The following NTM variants were observed in gnomAD, a reference collection of about 807,000 sequenced individuals.
NTM encodes the protein neurotrimin.
In NTM, 13 loss-of-function variants were observed where a neutral mutation model predicts 42.1. The ratio of observed to expected loss-of-function variants is 0.31; its 90% CI spans 0.20 to 0.49. The LOEUF is 0.49. Ranked by LOEUF, NTM falls within the 20% of genes least tolerant of loss-of-function variation. The pLI, the probability that NTM is intolerant of heterozygous loss-of-function variation, is 0.99. For missense variants in NTM, 373 were observed against 452.8 expected, an observed-to-expected ratio of 0.82 and a Z score of 1.60; for synonymous variants, 187 against 179.2, an observed-to-expected ratio of 1.04 and a Z score of -0.35.
At chr11:132,321,715 A>T (rs1473789949) in intron 7 of NTM, among the ~76,000 whole-genome samples, 1 of 151,294 alleles carries the variant, frequency 6.6e-6, no homozygotes, top group Admixed American at 6.6e-5. Context: ...CAACTCCAAG[A>T]CACATAATTG....
intron 1 of NTM, among the ~76,000 whole-genome samples, chr11:131,378,343 C>T (rs969821857): frequency 2.6e-5 from 4 of 152,142 alleles, no homozygotes; most frequent in African/African-American, 9.7e-5. Context: ...CAACATTTGG[C>T]AATACTGCAA....
chr11:131,989,888 G>T (rs750040841), intron 2 of NTM, among the ~76,000 whole-genome samples: 5 of 152,124 alleles, frequency 3.3e-5, no homozygotes, highest in Non-Finnish European at 7.4e-5. Flanking sequence ...TAATACGTGA[G>T]ATTTCTATTC....
At chr11:131,655,299 C>T (rs1326479889) in intron 1 of NTM, among the ~76,000 whole-genome samples, 4 of 152,222 alleles carry the variant, frequency 2.6e-5, no homozygotes, top group African/African-American at 9.7e-5. Flanking sequence ...GGCTCCCATC[C>T]TTACCCTACA....
At chr11:131,874,029 TAATA>T (rs1292163105) in intron 1 of NTM, among the ~76,000 whole-genome samples, 18 of 50,952 alleles carry the variant, frequency 3.5e-4, no homozygotes, top group South Asian at 6.9e-4. Context: ...TAATATAATA[TAATA>T]TATATATATA....
chr11:131,738,712 A>G (rs1471659662), intron 1 of NTM, among the ~76,000 whole-genome samples: 2 of 152,178 alleles, frequency 1.3e-5, no homozygotes, highest in Non-Finnish European at 2.9e-5. Flanking sequence ...CTTTGCCAAT[A>G]AGCCATGAAT....
chr11:131,530,953 T>G (rs749004100), intron 1 of NTM, among the ~76,000 whole-genome samples: 14 of 152,134 alleles, frequency 9.2e-5, no homozygotes, highest in Non-Finnish European at 1.9e-4. Flanking sequence ...GGATGACCAG[T>G]GAGCACAGAG....
At chr11:131,424,726 ATTTTTT>A (rs71475756) in intron 1 of NTM, among the ~76,000 whole-genome samples, 19 of 122,206 alleles carry the variant, frequency 1.6e-4, no homozygotes, top group African/African-American at 6.0e-4. Context: ...TGCCTGGCTA[ATTTTTT>A]TTTTTTTTTT....
intron 2 of NTM, among the ~76,000 whole-genome samples, chr11:132,012,811 G>A (rs2072521324): frequency 6.6e-6 from 1 of 152,170 alleles, no homozygotes; most frequent in Non-Finnish European, 1.5e-5. Flanking sequence ...CTAGAAGAAG[G>A]ATCTAGAAGT....
At chr11:132,236,171 A>G (rs2088843536) in intron 4 of NTM, among the ~76,000 whole-genome samples, 1 of 152,198 alleles carries the variant, frequency 6.6e-6, no homozygotes, top group Non-Finnish European at 1.5e-5. Flanking sequence ...ATTCTTTACC[A>G]AGCCTGAGTG....
At chr11:131,460,076 T>A (rs61901897) in intron 1 of NTM, among the ~76,000 whole-genome samples, 66 of 152,108 alleles carry the variant, frequency 4.3e-4, no homozygotes, top group Non-Finnish European at 8.1e-4. Context: ...CCCGAAAAGT[T>A]GAGATATGGG....
chr11:131,603,281 C>A (rs10791154), intron 1 of NTM, among the ~76,000 whole-genome samples: 6 of 151,702 alleles, frequency 4.0e-5, no homozygotes, highest in Non-Finnish European at 8.8e-5. Flanking sequence ...ACTTTATCCT[C>A]TCTCTGCTTG....
At chr11:132,213,227 C>A (rs1388104825) in intron 4 of NTM, among the ~76,000 whole-genome samples, 2 of 152,058 alleles carry the variant, frequency 1.3e-5, no homozygotes, top group Admixed American at 6.5e-5. Flanking sequence ...TTAGGGGGTG[C>A]TTTTGGTCTC....
At chr11:131,892,640 A>T in intron 1 of NTM, among the ~76,000 whole-genome samples, 1 of 152,238 alleles carries the variant, frequency 6.6e-6, no homozygotes, top group East Asian at 1.9e-4. Flanking sequence ...TCTTGTTAAC[A>T]GACTTGAGGG....
intron 1 of NTM, chr11:131,534,398 C>G (rs534795647): frequency 6.6e-6 from 1 of 152,450 alleles, no homozygotes; most frequent in African/African-American, 2.4e-5. Flanking sequence ...CACACACACG[C>G]ACCCCACACA....
At chr11:131,572,328 G>A (rs1248020580) in intron 1 of NTM, among the ~76,000 whole-genome samples, 1 of 152,144 alleles carries the variant, frequency 6.6e-6, no homozygotes, top group East Asian at 1.9e-4. Context: ...GGATCCTTCT[G>A]ATACAGAGAA....
rs200279684 is a variant in NTM, at chr11:131,944,658, G to A, written c.167+33010G>A. ...ATCTCCTCCTGTTTAAAATGAGGATGAGCATGCTTAGAGTGTTTAAGAGTT... is the reference window on the plus strand; with the variant it reads ...ATCTCCTCCTGTTTAAAATGAGGATAAGCATGCTTAGAGTGTTTAAGAGTT... On this transcript the variant is annotated intron_variant, in intron 2 of 8. Transcript: ENST00000683400. Among the ~76,000 whole-genome samples the A allele has an allele frequency of 7.2e-5, 11 of 152,320 alleles. No individual in the cohort carries two copies. The East Asian group carries it at 1.7e-3, about 24-fold the overall frequency.
chr11:131,747,126 A>G (rs1210625511), intron 1 of NTM, among the ~76,000 whole-genome samples: 1 of 152,188 alleles, frequency 6.6e-6, no homozygotes, highest in East Asian at 1.9e-4. Context: ...TATTTTTTAT[A>G]CTAATATGCT....
chr11:131,775,053 A>G (rs1205088567), intron 1 of NTM, among the ~76,000 whole-genome samples: 1 of 152,234 alleles, frequency 6.6e-6, no homozygotes, highest in African/African-American at 2.4e-5. Context: ...TACAGTCAGT[A>G]TGACCATTGC....
chr11:132,094,917 C>T (rs1054425917), intron 2 of NTM, among the ~76,000 whole-genome samples: 3 of 152,160 alleles, frequency 2.0e-5, no homozygotes, highest in Non-Finnish European at 2.9e-5. Flanking sequence ...TTATTCATGG[C>T]ATTTGTTACA....
Sources: gnomAD v4.1 joint callset for allele counts (sites outside exome capture counted in the v4.1 genomes callset) on GRCh38, gnomAD v4.1.1 for gene constraint, MANE v1.5 for transcripts, NCBI Gene and HGNC (gene_info 2026-07-23, HGNC 2026-07-21) for gene names.